WDR49: variants seen among roughly 807,000 people sequenced by gnomAD.
The protein encoded by WDR49 is cilia- and flagella-associated protein 337.
A neutral mutation model predicts 119.5 loss-of-function variants in WDR49; 107 were observed. The observed-to-expected ratio is 0.90, with a 90% CI of 0.77 to 1.05. The LOEUF is 1.05. WDR49 is among the 50% of genes least tolerant of loss of function. The pLI, the probability that WDR49 is intolerant of heterozygous loss-of-function variation, is 0.00. For synonymous variants in WDR49, 425 were observed against 418.8 expected (o/e 1.01, Z -0.18); for missense variants, 1,240 against 1,220.5 (o/e 1.02, Z -0.24).
At chr3:167,634,759 C>A (rs191273319) in intron 2 of WDR49, among the ~76,000 whole-genome samples, 122 of 151,810 alleles carry the variant, frequency 8.0e-4, no homozygotes, top group Middle Eastern at 3.4e-3. Flanking sequence ...TGTGAGTGTG[C>A]CAACATACTT....
intron 7 of WDR49, among the ~76,000 whole-genome samples, chr3:167,594,345 C>A (rs971779740): frequency 9.2e-5 from 14 of 152,086 alleles, no homozygotes; most frequent in Non-Finnish European, 1.9e-4. Flanking sequence ...GAGATGAGGA[C>A]CTTACTGGGA....
chr3:167,633,705 A>T (rs1717481482), intron 2 of WDR49, among the ~76,000 whole-genome samples: 1 of 151,986 alleles, frequency 6.6e-6, no homozygotes, highest in Non-Finnish European at 1.5e-5. Context: ...ATATACATAC[A>T]TATACATACA....
intron 2 of WDR49, among the ~76,000 whole-genome samples, chr3:167,644,955 T>C (rs1577298559): frequency 6.6e-6 from 1 of 152,088 alleles, no homozygotes; most frequent in East Asian, 1.9e-4. Context: ...AAGCTATTTA[T>C]GTAGCATTCT....
Position 167,582,031 on chromosome 3 carries a change from C to CGTGTGTGTGTGTGT in WDR49, c.1276-5894_1276-5881dup, listed in dbSNP as rs57233824. On this transcript the variant is annotated intron_variant, in intron 7 of 18. Coordinates refer to ENST00000682715, the MANE Select transcript of WDR49 (RefSeq NM_001366157.1). ...AAAAGGGAGAGTGTGGGCATGCTTC[C>CGTGTGTGTGTGTGT]GTGTGTGTGTGTGTGTGTGTGTGTG... is the stretch of plus-strand genomic sequence containing the variant. Among the ~76,000 whole-genome samples the CGTGTGTGTGTGTGT allele has an allele frequency of 1.1e-4, 15 of 142,428 alleles. No homozygotes were observed. In the East Asian group the frequency reaches 1.5e-3, roughly 14 times the overall value. 93.4% of individuals were successfully genotyped at this position (142,428 alleles called of 152,430 possible). A position where few individuals can be genotyped will look rare whatever the true frequency, so the allele number is the denominator to read the frequency against.
intron 5 of WDR49, among the ~76,000 whole-genome samples, chr3:167,612,910 A>G (rs1716410184): frequency 6.6e-6 from 1 of 152,214 alleles, no homozygotes; most frequent in South Asian, 2.1e-4. Flanking sequence ...TGGGAATGGT[A>G]GTGGGGGCCT....
chr3:167,602,285 A>C lies in WDR49; in HGVS notation c.1127-10T>G, dbSNP rs761689455. 3 of 1,548,740 alleles carry C rather than the reference A, an allele frequency of 1.9e-6. No individual in the cohort carries two copies. In the East Asian group the frequency reaches 6.8e-5, roughly 35 times the overall value. On this transcript the variant is annotated splice_polypyrimidine_tract_variant and intron_variant, in intron 6 of 18. Transcript: ENST00000682715. ...TTAATGCCAGCAGTTGCTAATCAGA[A>C]TTAGAAAGAAAAAAAATGTTTTTAA... is the stretch of plus-strand genomic sequence containing the variant.
intron 10 of WDR49, among the ~76,000 whole-genome samples, chr3:167,544,065 C>CA (rs201464799): frequency 0.25 from 36,243 of 143,758 alleles, 4,552 homozygotes; most frequent in South Asian, 0.32. Context: ...AAGACAGCTG[C>CA]AAAAAAAAAA....
intron 8 of WDR49, among the ~76,000 whole-genome samples, chr3:167,564,506 G>A (rs1713470789): frequency 6.6e-6 from 1 of 152,156 alleles, no homozygotes; most frequent in South Asian, 2.1e-4. Context: ...AATAAGTCTT[G>A]GCGTCACATG....
At chr3:167,521,303 T>G (rs954750472) in intron 16 of WDR49, among the ~76,000 whole-genome samples, 2 of 152,104 alleles carry the variant, frequency 1.3e-5, no homozygotes, top group Non-Finnish European at 2.9e-5. Context: ...AAATGTGCAA[T>G]GCAGAGATCC....
intron 2 of WDR49, among the ~76,000 whole-genome samples, chr3:167,635,326 A>C (rs1268602788): frequency 6.6e-6 from 1 of 151,734 alleles, no homozygotes; most frequent in Non-Finnish European, 1.5e-5. Flanking sequence ...TGTACTCAAG[A>C]CCCTAATAAA....
At chr3:167,639,801 T>A (rs529282987) in intron 2 of WDR49, among the ~76,000 whole-genome samples, 2 of 151,888 alleles carry the variant, frequency 1.3e-5, no homozygotes, top group East Asian at 3.9e-4. Context: ...CATTCTTTTG[T>A]TCTGCCATCC....
At chr3:167,591,573 C>A (rs1715108705) in intron 7 of WDR49, among the ~76,000 whole-genome samples, 1 of 152,088 alleles carries the variant, frequency 6.6e-6, no homozygotes, top group Non-Finnish European at 1.5e-5. Flanking sequence ...CTTTATATAT[C>A]TGGGTGCTCC....
At chr3:167,492,114 A>AGTGTGCAG (rs898776732) in intron 18 of WDR49, among the ~76,000 whole-genome samples, 1 of 151,866 alleles carries the variant, frequency 6.6e-6, no homozygotes, top group Non-Finnish European at 1.5e-5. Context: ...CTGCAATGAT[A>AGTGTGCAG]GTGTGCAGGA....
intron 7 of WDR49, among the ~76,000 whole-genome samples, chr3:167,593,469 T>C (rs1452218604): frequency 1.3e-5 from 2 of 152,114 alleles, no homozygotes; most frequent in East Asian, 1.9e-4. Context: ...AATGTTAATG[T>C]CTTTGTTAAA....
At chr3:167,519,691 T>A (rs1752357342) in intron 16 of WDR49, among the ~76,000 whole-genome samples, 1 of 151,886 alleles carries the variant, frequency 6.6e-6, no homozygotes, top group Non-Finnish European at 1.5e-5. Context: ...CATGCTGGGT[T>A]TAATACTTAG....
intron 10 of WDR49, among the ~76,000 whole-genome samples, chr3:167,542,402 A>G (rs192280983): frequency 1.3e-5 from 2 of 152,292 alleles, no homozygotes; most frequent in East Asian, 1.9e-4. Context: ...AACAAGTTTC[A>G]ATAAATTTTA....
At chr3:167,644,976 C>T (rs981091636) in intron 2 of WDR49, among the ~76,000 whole-genome samples, 1 of 151,768 alleles carries the variant, frequency 6.6e-6, no homozygotes, top group South Asian at 2.1e-4. Context: ...TTCTTGAATA[C>T]ATAAAATATA....
At chr3:167,632,919 A>T (rs1407804311) in intron 2 of WDR49, among the ~76,000 whole-genome samples, 1 of 152,056 alleles carries the variant, frequency 6.6e-6, no homozygotes, top group African/African-American at 2.4e-5. Context: ...TGTTATGAGG[A>T]TCTATTCATA....
chr3:167,615,784 A>G (rs1303161510), intron 5 of WDR49, among the ~76,000 whole-genome samples: 2 of 152,210 alleles, frequency 1.3e-5, no homozygotes, highest in Non-Finnish European at 2.9e-5. Flanking sequence ...CTCAGCACCA[A>G]TAGATAAGCA....
Sources: gnomAD v4.1 joint callset for allele counts (sites outside exome capture counted in the v4.1 genomes callset) on GRCh38, gnomAD v4.1.1 for gene constraint, MANE v1.5 for transcripts, NCBI Gene and HGNC (gene_info 2026-07-23, HGNC 2026-07-21) for gene names.